Variants in WWC2 observed in about 807,000 individuals in gnomAD.
The protein encoded by WWC2 is WW and C2 domain containing 2, also known as protein WWC2.
In WWC2, 101 loss-of-function variants were observed where a neutral mutation model predicts 138.5. The observed-to-expected ratio is 0.73, with a 90% CI of 0.62 to 0.86. The LOEUF is 0.86. WWC2 is among the 40% of genes least tolerant of loss of function. The pLI, the probability that WWC2 is intolerant of heterozygous loss-of-function variation, is 0.00. For missense variants in WWC2, 1,420 were observed against 1,419.4 expected (o/e 1.00, Z -0.01); for synonymous variants, 558 against 538.4 (o/e 1.04, Z -0.50).
intron 1 of WWC2, among the ~76,000 whole-genome samples, chr4:183,179,393 A>G (rs867047026): frequency 2.3e-4 from 35 of 152,194 alleles, no homozygotes; most frequent in African/African-American, 7.7e-4. Flanking sequence ...TCAAAAGACC[A>G]CCAGCTGCTG....
At chr4:183,214,444 C>T (rs1436813393) in intron 4 of WWC2, among the ~76,000 whole-genome samples, 1 of 152,088 alleles carries the variant, frequency 6.6e-6, no homozygotes, top group Non-Finnish European at 1.5e-5. Context: ...CAAAATATGA[C>T]ACTTTAGCTA....
At chr4:183,237,312 T>C (rs536110837) in intron 4 of WWC2, among the ~76,000 whole-genome samples, 11 of 151,708 alleles carry the variant, frequency 7.3e-5, no homozygotes, top group South Asian at 2.1e-4. Context: ...TTTTTTTTTT[T>C]CAAAAGATAA....
intron 2 of WWC2, among the ~76,000 whole-genome samples, chr4:183,202,615 A>G (rs1156635839): frequency 8.5e-5 from 13 of 152,212 alleles, no homozygotes. Flanking sequence ...ATATAATTTT[A>G]TAATTTATTA....
chr4:183,178,247 G>C (rs1259453507), intron 1 of WWC2, among the ~76,000 whole-genome samples: 1 of 152,008 alleles, frequency 6.6e-6, no homozygotes, highest in Non-Finnish European at 1.5e-5. Context: ...GACTGCAAAA[G>C]AAGTTAAAAT....
At chr4:183,264,298 A>G (rs1311827215) in intron 11 of WWC2, among the ~76,000 whole-genome samples, 1 of 152,198 alleles carries the variant, frequency 6.6e-6, no homozygotes, top group Non-Finnish European at 1.5e-5. Context: ...ATGAAAGAGC[A>G]CCACAGGCTT....
chr4:183,286,230 TG>T (rs775522429), intron 20 of WWC2, among the ~76,000 whole-genome samples, 171 bp downstream of exon 20: 37 of 151,902 alleles, frequency 2.4e-4, no homozygotes, highest in Non-Finnish European at 4.3e-4. Flanking sequence ...ACTATGGAGA[TG>T]GGGGGGTGTG....
Position 183,155,124 on chromosome 4 carries a change from G to C in WWC2, c.132-38475G>C, listed in dbSNP as rs1366616218. On this transcript the variant is annotated intron_variant, in intron 1 of 22. Transcript: ENST00000403733. Reference sequence around the variant, plus strand: ...ATGAAGGAAAAAATTAGAAAAGTTAGAACTTGGTAGGGCTGTCATACTGCT... The same window carrying C: ...ATGAAGGAAAAAATTAGAAAAGTTACAACTTGGTAGGGCTGTCATACTGCT... 3.1e-3 allele frequency among the ~76,000 whole-genome samples: 16 copies of C among 5,210 alleles called. No individual in the cohort carries two copies. In the Non-Finnish European group the frequency reaches 0.08, roughly 26 times the overall value. 3.4% of individuals were successfully genotyped at this position (5,210 alleles called of 152,430 possible). A position where few individuals can be genotyped will look rare whatever the true frequency, so the allele number is the denominator to read the frequency against.
intron 10 of WWC2, among the ~76,000 whole-genome samples, chr4:183,260,103 A>G (rs1193282329): frequency 6.6e-6 from 1 of 152,232 alleles, no homozygotes; most frequent in Non-Finnish European, 1.5e-5. Context: ...ACAAAGAGGA[A>G]ACGTGAGCGA....
chr4:183,179,959 A>G (rs1245155105), intron 1 of WWC2, among the ~76,000 whole-genome samples: 1 of 152,226 alleles, frequency 6.6e-6, no homozygotes, highest in East Asian at 1.9e-4. Flanking sequence ...AAATATTTTA[A>G]TGGGAAAATA....
chr4:183,219,503 A>C (rs1437653193), intron 4 of WWC2, among the ~76,000 whole-genome samples: 2 of 152,354 alleles, frequency 1.3e-5, no homozygotes, highest in Middle Eastern at 6.8e-3. Context: ...TACATATTCA[A>C]ATACAAGACT....
Position 183,211,844 on chromosome 4 carries a change from C to T in WWC2, c.522+2819C>T, listed in dbSNP as rs1322130837. On this transcript the variant is annotated intron_variant, in intron 4 of 22. Transcript: ENST00000403733. ...TCTTTTGGATTTTTTTTTTTTTTGG[C>T]GGAGTCTTGCTCTGTTTCCCAGGCT... Among the ~76,000 whole-genome samples, 6 of 148,228 alleles carry T rather than the reference C, an allele frequency of 4.0e-5. No homozygotes were observed. In the East Asian group the frequency reaches 9.8e-4, roughly 24 times the overall value.
chr4:183,315,923 T>A lies in WWC2; in HGVS notation c.*194T>A. The A allele has an allele frequency of 2.0e-6, 1 of 502,514 alleles. No homozygotes were observed. Among genetic ancestry groups the A allele is most frequent in the Non-Finnish European group, 3.6e-6 (1 of 281,596 alleles). The allele number at this position is 502,514 out of a possible 1,614,324, so 31.1% of individuals were successfully genotyped here. A position where few individuals can be genotyped will look rare whatever the true frequency, so the allele number is the denominator to read the frequency against. On this transcript the variant is annotated 3_prime_UTR_variant, in exon 23 of 23. Transcript: ENST00000403733. ...TACCTTGAGTGTAATTTTTATATGC[T>A]TAAAAAAGAAAAAATCATATAAGAA...
chr4:183,256,961 A>T (rs1737170691), intron 9 of WWC2, among the ~76,000 whole-genome samples: 1 of 140,964 alleles, frequency 7.1e-6, no homozygotes, highest in South Asian at 2.3e-4. Flanking sequence ...GATGGCAGCG[A>T]CTGTGCTCGC....
chr4:183,158,995 G>C (rs1313422180), intron 1 of WWC2, among the ~76,000 whole-genome samples: 1 of 152,198 alleles, frequency 6.6e-6, no homozygotes, highest in Non-Finnish European at 1.5e-5. Context: ...GTGTGCTTGT[G>C]CCTGTGTGTG....
intron 6 of WWC2, among the ~76,000 whole-genome samples, chr4:183,247,591 A>G (rs1383835212): frequency 7.1e-6 from 1 of 140,116 alleles, no homozygotes; most frequent in Non-Finnish European, 1.5e-5. Flanking sequence ...TATACTATAT[A>G]TATGCTATAT....
chr4:183,106,551 G>C (rs1017641635), intron 1 of WWC2, among the ~76,000 whole-genome samples: 1 of 151,822 alleles, frequency 6.6e-6, no homozygotes, highest in Non-Finnish European at 1.5e-5. Flanking sequence ...CAAAACAAAC[G>C]ACCCCTTACC....
At chr4:183,266,539 T>A (rs1456569224) in intron 14 of WWC2, among the ~76,000 whole-genome samples, 2 of 152,200 alleles carry the variant, frequency 1.3e-5, no homozygotes, top group Non-Finnish European at 2.9e-5. Flanking sequence ...AGCCTAAAGA[T>A]CTCATGACAA....
chr4:183,124,751 G>A (rs1400426600), intron 1 of WWC2, among the ~76,000 whole-genome samples: 2 of 151,682 alleles, frequency 1.3e-5, no homozygotes, highest in East Asian at 1.9e-4. Context: ...CACCATGCCC[G>A]GCTAATTTTT....
chr4:183,216,851 A>C (rs1735773723), intron 4 of WWC2, among the ~76,000 whole-genome samples: 2 of 152,212 alleles, frequency 1.3e-5, no homozygotes, highest in Non-Finnish European at 2.9e-5. Context: ...GGTCTCCTCA[A>C]ATCTTTGACT....
Sources: allele counts gnomAD v4.1 joint callset (sites outside exome capture counted in the v4.1 genomes callset), GRCh38; gene constraint gnomAD v4.1.1; transcripts MANE v1.5; gene names NCBI Gene and HGNC (gene_info 2026-07-23, HGNC 2026-07-21).